Variants in PATZ1 observed in about 807,000 individuals in gnomAD.
PATZ1 encodes POZ/BTB and AT hook containing zinc finger 1, also known as POZ-, AT hook-, and zinc finger-containing protein 1.
A neutral mutation model predicts 46.2 loss-of-function variants in PATZ1; 9 were observed. The ratio of observed to expected loss-of-function variants is 0.19; its 90% CI spans 0.12 to 0.34. The LOEUF is 0.34. Among genes scored for constraint, PATZ1 ranks in the 10% least tolerant of loss-of-function variants. PATZ1 has a pLI of 1.00. For missense variants in PATZ1, 632 were observed against 923.0 expected, an observed-to-expected ratio of 0.68 and a Z score of 4.08; for synonymous variants, 426 against 378.6, an observed-to-expected ratio of 1.13 and a Z score of -1.45.
chr22:31,345,294 C>T lies in PATZ1; in HGVS notation c.309G>A (p.Glu103=). Residue 103 remains glutamate (E), a synonymous_variant, in exon 1 of 5, where the codon GAG becomes GAA. Coordinates refer to ENST00000266269, the MANE Select transcript of PATZ1 (RefSeq NM_014323.3). The surrounding 1 kb of genome is among the most constrained non-coding windows in gnomAD (Gnocchi z 7.4). Reference sequence around the variant, plus strand: ...TGGAGCTGATAGTGTGCATCTCCAGCTCCCGGCTGCCCCCGGCCCCGCCGC... The same window carrying T: ...TGGAGCTGATAGTGTGCATCTCCAGTTCCCGGCTGCCCCCGGCCCCGCCGC... The part of the protein sequence containing the change: ...APGGGAGGSR[E]LEMHTISSKV... 1 of 1,611,632 alleles carries T rather than the reference C, an allele frequency of 6.2e-7. No homozygotes were observed. Among genetic ancestry groups the T allele is most frequent in the South Asian group, 1.1e-5 (1 of 90,940 alleles).
In PATZ1 at chr22:31,345,791, G is replaced by T. The variant is rs945684814; in HGVS notation, c.-189C>A. On this transcript the variant is annotated 5_prime_UTR_variant, in exon 1 of 5. Coordinates refer to ENST00000266269, the MANE Select transcript of PATZ1 (RefSeq NM_014323.3). The surrounding 1 kb of genome is among the most constrained non-coding windows in gnomAD (Gnocchi z 7.4). The stretch of plus-strand genomic sequence containing the variant: ...CGGATCAGACTGTCTAGACTGCGGG[G>T]TGCACCACCCCCCACATAGCCAACC... 3.3e-5 allele frequency: 18 copies of T among 542,990 alleles called. No homozygotes were observed. Among genetic ancestry groups the T allele is most frequent in the African/African-American group, 3.2e-4 (16 of 50,540 alleles). The allele number at this position is 542,990 out of a possible 1,614,324, so 33.6% of individuals were successfully genotyped here.
Position 31,345,326 on chromosome 22 carries a change from C to T in PATZ1, c.277G>A (p.Ala93Thr), listed in dbSNP as rs777118063. The part of the protein sequence containing the change: ...GPADVGGATA[A>T]PGGGAGGSRE... ...CTGCCCCCGGCCCCGCCGCCTGGTG[C>T]TGCCGTCGCGCCCCCTACATCAGCC... Residue 93 changes from alanine (A) to threonine (T), a missense_variant, in exon 1 of 5, where the codon GCA becomes ACA. Physicochemically the swap from Ala to Thr is moderately conservative, Grantham distance 58 (BLOSUM62 0). Transcript: ENST00000266269. The surrounding 1 kb of genome is among the most constrained non-coding windows in gnomAD (Gnocchi z 7.4). The T allele has an allele frequency of 3.1e-6, 5 of 1,610,026 alleles. No homozygotes were observed. Among genetic ancestry groups the T allele is most frequent in the Middle Eastern group, 1.7e-4 (1 of 6,046 alleles).
chr22:31,335,905 C>A (rs1191376936), intron 2 of PATZ1, 42 bp from the exon 3 acceptor site: 1 of 1,572,948 alleles, frequency 6.4e-7, no homozygotes. Context: ...AAACCCAGCA[C>A]CCCACACCTG....
chr22:31,331,344 CT>C (rs36079277), intron 3 of PATZ1, among the ~76,000 whole-genome samples: 237 of 140,596 alleles, frequency 1.7e-3, no homozygotes, highest in Non-Finnish European at 1.8e-3. Flanking sequence ...TAATTTTTTC[CT>C]TTTTTTTTTT....
In PATZ1 at chr22:31,346,202, G is replaced by GGGCGGTGGC. The variant is rs1555894295; in HGVS notation, c.-609_-601dup. On this transcript the variant is annotated 5_prime_UTR_variant, in exon 1 of 5. Coordinates refer to ENST00000266269, the MANE Select transcript of PATZ1 (RefSeq NM_014323.3). ...CGCGGGCCGGGTCCCGGAGCCTGGA[G>GGGCGGTGGC]GGCGGTGGCGGCGGCGGCGGCGGCT... 6.5e-6 allele frequency: 1 copy of GGGCGGTGGC among 152,776 alleles called. No homozygotes were observed. Among genetic ancestry groups the GGGCGGTGGC allele is most frequent in the Non-Finnish European group, 1.4e-5 (1 of 70,314 alleles). The allele number at this position is 152,776 out of a possible 1,614,324, so 9.5% of individuals were successfully genotyped here.
intron 3 of PATZ1, among the ~76,000 whole-genome samples, chr22:31,332,360 T>G (rs2049454455): frequency 1.3e-5 from 2 of 152,144 alleles, no homozygotes; most frequent in African/African-American, 4.8e-5. Flanking sequence ...AATTCTAAAC[T>G]TACCCACCCA....
rs2049643906 is a variant in PATZ1, at chr22:31,345,594, C to A, written c.9G>T (p.Arg3=). 6.3e-7 allele frequency: 1 copy of A among 1,591,498 alleles called. No homozygotes were observed. The highest frequency in any genetic ancestry group is 2.3e-5 in the East Asian group (1 of 44,314). ...ACGGGCCGCACGAAGCGTCGTTCAC[C>A]CGCTCCATGGCCGCCGCCCCCTCCC... ME[R]VNDASCGPSG... is the part of the protein sequence containing the mutation. The change falls in exon 1 of 5, where the codon CGG becomes CGT. Residue 3 remains arginine (R), a synonymous_variant. Transcript: ENST00000266269. The surrounding 1 kb of genome is among the most constrained non-coding windows in gnomAD (Gnocchi z 7.4).
At chr22:31,332,100 A>G (rs1048164555) in intron 3 of PATZ1, among the ~76,000 whole-genome samples, 1 of 152,152 alleles carries the variant, frequency 6.6e-6, no homozygotes, top group African/African-American at 2.4e-5. Context: ...AACAACAGCG[A>G]AACTGTCTTG....
At chr22:31,342,847 A>G (rs927908035) in intron 2 of PATZ1, 50 bp downstream of exon 2, 18 of 1,601,618 alleles carry the variant, frequency 1.1e-5, no homozygotes, top group Non-Finnish European at 1.4e-5. Flanking sequence ...TGCGACCGTG[A>G]GAACAGCATC....
rs1440449589 is a variant in PATZ1 at position 31,328,582 on chromosome 22, C to T, written c.1645+205G>A. On this transcript the variant is annotated intron_variant, in intron 4 of 4. Transcript: ENST00000266269. The surrounding 1 kb of genome is among the most constrained non-coding windows in gnomAD (Gnocchi z 4.8). The stretch of plus-strand genomic sequence containing the variant: ...GGAAGAGGAGGCGGAGGCTGGATCT[C>T]GGCAGTGCCCTAAAGCCTCACTCAC... 6.6e-6 allele frequency among the ~76,000 whole-genome samples: 1 copy of T among 152,186 alleles called. No individual in the cohort carries two copies. Among genetic ancestry groups the T allele is most frequent in the Non-Finnish European group, 1.5e-5 (1 of 68,042 alleles).
In PATZ1 at chr22:31,326,054, T is replaced by C. The variant is rs1246493760; in HGVS notation, c.*837A>G. ...AATCAACTAGCCAAGTTAATTATGG[T>C]ACATCTAAACAAAGTTTAATACTAA... On this transcript the variant is annotated 3_prime_UTR_variant, in exon 5 of 5. Transcript: ENST00000266269. 1 of 217,458 alleles carries C rather than the reference T, an allele frequency of 4.6e-6. No individual in the cohort carries two copies. The highest frequency in any genetic ancestry group is 9.3e-6 in the Non-Finnish European group (1 of 107,780). The allele number at this position is 217,458 out of a possible 1,614,324, so 13.5% of individuals were successfully genotyped here. A position where few individuals can be genotyped will look rare whatever the true frequency, so the allele number is the denominator to read the frequency against.
In PATZ1 at chr22:31,328,935, C is replaced by T; in HGVS notation, c.1508-11G>A. On this transcript the variant is annotated splice_polypyrimidine_tract_variant and intron_variant, in intron 3 of 4. Transcript: ENST00000266269. The surrounding 1 kb of genome is among the most constrained non-coding windows in gnomAD (Gnocchi z 4.8). ...AGGCAGAGGAGAAACCTAAACAAGA[C>T]AAAAGGAGATGAGATCCCGCGGCCA... The T allele has an allele frequency of 3.1e-6, 5 of 1,608,962 alleles. No individual in the cohort carries two copies. Among genetic ancestry groups the T allele is most frequent in the Non-Finnish European group, 4.2e-6 (5 of 1,176,854 alleles).
chr22:31,340,914 T>C, intron 2 of PATZ1: 3 of 1,066,286 alleles, frequency 2.8e-6, no homozygotes, highest in East Asian at 1.0e-4. Flanking sequence ...GAAAGCAGGA[T>C]CTAGATCTGA....
In PATZ1 at chr22:31,327,089, T is replaced by C; in HGVS notation, c.1866A>G (p.Lys622=). The change falls in exon 5 of 5, where the codon AAA becomes AAG. Residue 622 remains lysine (K), a synonymous_variant. Coordinates refer to ENST00000266269, the MANE Select transcript of PATZ1 (RefSeq NM_014323.3). The surrounding 1 kb of genome is among the most constrained non-coding windows in gnomAD (Gnocchi z 4.2). ...SFFRSKSYLN[K]HIQKVHVRAL... ...CCCGGACATGCACCTTCTGGATGTGTTTGTTCAAGTAGGACTTAGAGCGGA... is the reference window on the plus strand; with the variant it reads ...CCCGGACATGCACCTTCTGGATGTGCTTGTTCAAGTAGGACTTAGAGCGGA... The C allele has an allele frequency of 6.2e-7, 1 of 1,613,768 alleles. No homozygotes were observed.
At position 31,326,736 on chromosome 22, in the gene PATZ1, T is replaced by G; in HGVS notation, c.*155A>C. 1 of 619,910 alleles carries G rather than the reference T, an allele frequency of 1.6e-6. No homozygotes were observed. The allele number at this position is 619,910 out of a possible 1,614,324, so 38.4% of individuals were successfully genotyped here. The stretch of plus-strand genomic sequence containing the variant: ...CTATTTCTAAAGACCATTGGGAGAA[T>G]GGGTGGTGGAGAAGGAGTTGGAGTG... On this transcript the variant is annotated 3_prime_UTR_variant, in exon 5 of 5. Transcript: ENST00000266269.
At position 31,345,259 on chromosome 22, in the gene PATZ1, C is replaced by T; in HGVS notation, c.344G>A (p.Gly115Glu). The change falls in exon 1 of 5, where the codon GGG becomes GAG. Residue 115 changes from glycine to glutamate, a missense_variant. Around this residue, in one of 7 missense-constraint regions of PATZ1, gnomAD observed 62 missense variants for 67.9 expected, o/e 0.91. Transcript: ENST00000266269. This position sits in a 1 kb window ranked among gnomAD's most constrained non-coding sequence, Gnocchi z 7.4. ...AGTGTAGGCGAAGTCCAGAATGTCC[C>T]CAAATACCTTGGAGCTGATAGTGTG... ...EMHTISSKVFGDILDFAYTSR... is the reference protein window; with the variant it reads ...EMHTISSKVFEDILDFAYTSR... 1.2e-6 allele frequency: 2 copies of T among 1,613,218 alleles called. No homozygotes were observed. The highest frequency in any genetic ancestry group is 1.7e-6 in the Non-Finnish European group (2 of 1,179,414).
chr22:31,336,005 G>T (rs1273341001), intron 2 of PATZ1, 142 bp from the exon 3 acceptor site: 6 of 710,860 alleles, frequency 8.4e-6, no homozygotes, highest in Admixed American at 2.7e-5. Flanking sequence ...TTTGGCTCAG[G>T]CTCCCTACCC....
chr22:31,337,170 T>A (rs1339879565), intron 2 of PATZ1, among the ~76,000 whole-genome samples: 1 of 152,122 alleles, frequency 6.6e-6, no homozygotes, highest in Non-Finnish European at 1.5e-5. Context: ...GCAAGGATGA[T>A]GATACTACCC....
chr22:31,343,574 C>T lies in PATZ1; in HGVS notation c.1272-614G>A, dbSNP rs139658450. On this transcript the variant is annotated intron_variant, in intron 1 of 4. Coordinates refer to ENST00000266269, the MANE Select transcript of PATZ1 (RefSeq NM_014323.3). ...ATCCCTGTGTTCACACACACAAGGT[C>T]CTACAATCCAGGTTAAAACCGGCCT... 7.7e-4 allele frequency: 253 copies of T among 327,502 alleles called. 2 individuals are homozygous for T. The highest frequency in any genetic ancestry group is 5.5e-3 in the African/African-American group (246 of 44,814). The allele number at this position is 327,502 out of a possible 1,614,324, so 20.3% of individuals were successfully genotyped here.
Sources: gnomAD v4.1 joint callset for allele counts (sites outside exome capture counted in the v4.1 genomes callset) on GRCh38, gnomAD v4.1.1 for gene constraint, gnomAD v4.1.1 regional missense constraint, Gnocchi (gnomAD v3.1) non-coding constraint, MANE v1.5 for transcripts, NCBI Gene and HGNC (gene_info 2026-07-23, HGNC 2026-07-21) for gene names.